NCAPH: variants seen among roughly 807,000 people sequenced by gnomAD.
The protein encoded by NCAPH is non-SMC condensin I complex subunit H, also known as condensin complex subunit 2.
Under a neutral mutation model 85.5 loss-of-function variants are expected in NCAPH, and 38 were observed. That is an observed-to-expected ratio of 0.44 (90% CI 0.34 to 0.58). The LOEUF is 0.58. NCAPH is among the 20% of genes least tolerant of loss of function. The pLI is 0.01. For missense variants in NCAPH, 789 were observed against 916.6 expected (o/e 0.86, Z 1.80); for synonymous variants, 301 against 335.1 (o/e 0.90, Z 1.11).
chr2:96,352,415 G>A (rs187397685), intron 7 of NCAPH, among the ~76,000 whole-genome samples: 6 of 152,326 alleles, frequency 3.9e-5, no homozygotes, highest in Admixed American at 2.0e-4. Flanking sequence ...CATCCAGGGG[G>A]CCCTGAGGAG....
chr2:96,358,645 T>A (rs941848527), intron 9 of NCAPH, among the ~76,000 whole-genome samples: 1 of 152,168 alleles, frequency 6.6e-6, no homozygotes, highest in African/African-American at 2.4e-5. Flanking sequence ...ATTTTTTGTA[T>A]TTTTAGTAGA....
chr2:96,355,286 G>GGAGATTTCAT (rs932138858), intron 9 of NCAPH, among the ~76,000 whole-genome samples: 4 of 152,142 alleles, frequency 2.6e-5, no homozygotes, highest in African/African-American at 9.7e-5. Context: ...CCTGGGGGTA[G>GGAGATTTCAT]GAGATTTCAT....
At chr2:96,340,783 CTTTTTTT>C (rs745890722) in intron 1 of NCAPH, among the ~76,000 whole-genome samples, 1 of 124,076 alleles carries the variant, frequency 8.1e-6, no homozygotes, top group African/African-American at 3.0e-5. Flanking sequence ...CATGTCCGGC[CTTTTTTT>C]TTTTTTTTTT....
chr2:96,337,998 C>T (rs901459207), intron 1 of NCAPH, among the ~76,000 whole-genome samples: 15 of 151,844 alleles, frequency 9.9e-5, no homozygotes, highest in Non-Finnish European at 1.8e-4. Flanking sequence ...TTGATCTTGG[C>T]TCACTGCAAC....
chr2:96,360,258 T>C lies in NCAPH; in HGVS notation c.1464+9T>C. The C allele has an allele frequency of 2.9e-6, 4 of 1,370,362 alleles. No homozygotes were observed. The highest frequency in any genetic ancestry group is 4.1e-6 in the Non-Finnish European group (4 of 969,610). The allele number at this position is 1,370,362 out of a possible 1,614,324, so 84.9% of individuals were successfully genotyped here. ...ATTTTAGAAAAACAAAGGTTTGTAC[T>C]GAATTTATTAGGATTGTGCTTACTC... On this transcript the variant is annotated intron_variant, in intron 11 of 17. Transcript: ENST00000240423.
chr2:96,351,093 A>T (rs2064434678), intron 6 of NCAPH, among the ~76,000 whole-genome samples: 1 of 152,132 alleles, frequency 6.6e-6, no homozygotes, highest in Non-Finnish European at 1.5e-5. Flanking sequence ...CTTTGCCTGG[A>T]TATCTTGGGT....
chr2:96,348,300 C>G (rs1178729190), intron 6 of NCAPH, among the ~76,000 whole-genome samples: 1 of 151,792 alleles, frequency 6.6e-6, no homozygotes. Flanking sequence ...CGCCATTCTC[C>G]TGCCTCAGCC....
Position 96,365,952 on chromosome 2 carries a change from C to T in NCAPH, c.1775C>T (p.Pro592Leu), listed in dbSNP as rs867830360. The T allele has an allele frequency of 1.2e-6, 2 of 1,614,168 alleles. No homozygotes were observed. Among genetic ancestry groups the T allele is most frequent in the Non-Finnish European group, 1.7e-6 (2 of 1,180,032 alleles). ...GGGAACTCTGACCTCTCACCTTATC[C>T]TTGCCATCCACCTAAGACAGCACAA... ...PVGNSDLSPY[P>L]CHPPKTAQQN... Residue 592 changes from proline (P) to leucine (L), a missense_variant, in exon 14 of 18, where the codon CCT becomes CTT. Transcript: ENST00000240423.
In NCAPH at chr2:96,367,376, C is replaced by G; in HGVS notation, c.1998+3C>G. 1.2e-6 allele frequency: 2 copies of G among 1,606,488 alleles called. No individual in the cohort carries two copies. Among genetic ancestry groups the G allele is most frequent in the Non-Finnish European group, 1.7e-6 (2 of 1,173,476 alleles). On this transcript the variant is annotated splice_donor_region_variant and intron_variant, in intron 15 of 17. Transcript: ENST00000240423. Reference sequence around the variant, plus strand: ...CCGGAAAGGAGGCAGATGCAGAGGTCAGATGCTCTTGCCTGTTCTCTAGGT... The same window carrying G: ...CCGGAAAGGAGGCAGATGCAGAGGTGAGATGCTCTTGCCTGTTCTCTAGGT...
chr2:96,337,664 C>T (rs867092968), intron 1 of NCAPH, among the ~76,000 whole-genome samples: 14 of 152,054 alleles, frequency 9.2e-5, no homozygotes, highest in African/African-American at 1.4e-4. Context: ...GTGATCTGCC[C>T]GCCTCAGCCT....
chr2:96,360,056 T>C (rs1366557192), intron 10 of NCAPH, 87 bp from the exon 11 acceptor site: 1 of 789,960 alleles, frequency 1.3e-6, no homozygotes, highest in East Asian at 2.5e-5. Flanking sequence ...TTGATAAGCC[T>C]TGATAAGGCT....
intron 12 of NCAPH, among the ~76,000 whole-genome samples, chr2:96,361,596 A>G (rs1164538694): frequency 6.6e-6 from 1 of 151,494 alleles, no homozygotes; most frequent in African/African-American, 2.4e-5. Context: ...CTCTTCTCAC[A>G]TGTCCCTGCT....
chr2:96,361,749 G>GATATATATAT (rs142082869), intron 12 of NCAPH, among the ~76,000 whole-genome samples: 1 of 95,190 alleles, frequency 1.1e-5, no homozygotes, highest in Admixed American at 1.2e-4. Context: ...AGATTTTAAT[G>GATATATATAT]ATATATATAT....
chr2:96,354,570 C>CT (rs1295555341), intron 9 of NCAPH, among the ~76,000 whole-genome samples, 182 bp downstream of exon 9: 7 of 152,064 alleles, frequency 4.6e-5, no homozygotes, highest in Admixed American at 4.6e-4. Context: ...AGCAATCCTC[C>CT]TGCTTTGGCC....
chr2:96,369,640 AT>A, intron 17 of NCAPH, 140 bp downstream of exon 17: 1 of 824,042 alleles, frequency 1.2e-6, no homozygotes. Context: ...AACCCAAATG[AT>A]TAGCCAGGCA....
At chr2:96,338,671 T>TG (rs1320442734) in intron 1 of NCAPH, among the ~76,000 whole-genome samples, 1 of 152,150 alleles carries the variant, frequency 6.6e-6, no homozygotes, top group Non-Finnish European at 1.5e-5. Flanking sequence ...GTTAGAGTGA[T>TG]GGGGGGACAG....
At chr2:96,344,461 A>G (rs1396011724) in intron 6 of NCAPH, among the ~76,000 whole-genome samples, 1 of 152,250 alleles carries the variant, frequency 6.6e-6, no homozygotes, top group Non-Finnish European at 1.5e-5. Flanking sequence ...TTGCTGAGAA[A>G]TCTAATTGAT....
At chr2:96,366,900 AGAG>A in intron 14 of NCAPH, among the ~76,000 whole-genome samples, 1 of 150,394 alleles carries the variant, frequency 6.6e-6, no homozygotes, top group Non-Finnish European at 1.5e-5. Context: ...AAAAAAAAAA[AGAG>A]TTTGAGACCG....
chr2:96,376,662 C>T lies in NCAPH; in HGVS notation c.*3311C>T, dbSNP rs760943897. On this transcript the variant is annotated 3_prime_UTR_variant, in exon 18 of 18. Transcript: ENST00000240423. Reference sequence around the variant, plus strand: ...ACACCACAAGGATTTGCAGCATCTGCGGCAACGAGTTTGGTGTCCTGGAGC... The same window carrying T: ...ACACCACAAGGATTTGCAGCATCTGTGGCAACGAGTTTGGTGTCCTGGAGC... 8.9e-4 allele frequency among the ~76,000 whole-genome samples: 136 copies of T among 152,144 alleles called. No homozygotes were observed. The highest frequency in any genetic ancestry group is 1.1e-3 in the Non-Finnish European group (73 of 68,028).
Sources: allele counts gnomAD v4.1 joint callset (sites outside exome capture counted in the v4.1 genomes callset), GRCh38; gene constraint gnomAD v4.1.1; transcripts MANE v1.5; gene names NCBI Gene and HGNC (gene_info 2026-07-23, HGNC 2026-07-21).